Variants in DHX38 observed in about 807,000 individuals in gnomAD.
DHX38 encodes the protein pre-mRNA-splicing factor ATP-dependent RNA helicase PRP16.
A neutral mutation model predicts 153.1 loss-of-function variants in DHX38; 100 were observed. The ratio of observed to expected loss-of-function variants is 0.65; its 90% CI spans 0.56 to 0.77. The LOEUF is 0.77. DHX38 is among the 30% of genes least tolerant of loss of function. DHX38 has a pLI of 0.00. For missense variants in DHX38, 1,440 were observed against 1,654.0 expected (o/e 0.87, Z 2.24); for synonymous variants, 650 against 631.7 (o/e 1.03, Z -0.43).
chr16:72,112,016 G>A lies in DHX38; in HGVS notation c.3600-397G>A, dbSNP rs74027820. 700 of 217,460 alleles carry A rather than the reference G, an allele frequency of 3.2e-3. 8 individuals carry two copies. Among genetic ancestry groups the A allele is most frequent in the African/African-American group, 0.01 (458 of 45,090 alleles). The allele number at this position is 217,460 out of a possible 1,614,324, so 13.5% of individuals were successfully genotyped here. On this transcript the variant is annotated intron_variant, in intron 26 of 26. Coordinates refer to ENST00000268482, the MANE Select transcript of DHX38 (RefSeq NM_014003.4). Reference sequence around the variant, plus strand: ...TAGCATAATCTCTCAAACGAGGGCTGAGGGGCCCCCATGAATAGCAGACAC... The same window carrying A: ...TAGCATAATCTCTCAAACGAGGGCTAAGGGGCCCCCATGAATAGCAGACAC...
In DHX38 at chr16:72,108,243, G is replaced by A; in HGVS notation, c.2981G>A (p.Ser994Asn). 1 of 1,614,124 alleles carries A rather than the reference G, an allele frequency of 6.2e-7. No individual in the cohort carries two copies. Among genetic ancestry groups the A allele is most frequent in the Admixed American group, 1.7e-5 (1 of 60,028 alleles). ...CCTTCCTAGGGTCGAGAGGAGGAGAGTGATCAAATCCGGGAGAAGTTCGCT... is the reference window on the plus strand; with the variant it reads ...CCTTCCTAGGGTCGAGAGGAGGAGAATGATCAAATCCGGGAGAAGTTCGCT... ...FYRPKGREEE[S>N]DQIREKFAVP... The change falls in exon 22 of 27, where the codon AGT (serine) becomes AAT (asparagine). Residue 994 changes from serine to asparagine, a missense_variant. Around this residue, in one of 6 missense-constraint regions of DHX38, gnomAD observed 543 missense variants for 717.9 expected, o/e 0.76. Transcript: ENST00000268482.
chr16:72,103,645 A>G lies in DHX38; in HGVS notation c.1681A>G (p.Lys561Glu). ...VIVVGETGSG[K>E]TTQLTQYLHE... ...CGTGGTTGGGGAGACGGGGAGTGGT[A>G]AGACCACTCAGCTGACGCAGTACCT... Residue 561 changes from lysine to glutamate, a missense_variant, in exon 13 of 27, where the codon AAG becomes GAG. By Grantham distance (56) the Lys-to-Glu change is moderately conservative. This residue lies in a region of DHX38 where 241 missense variants were observed against 229.5 expected (regional missense o/e 1.05). Transcript: ENST00000268482. 1 of 1,613,456 alleles carries G rather than the reference A, an allele frequency of 6.2e-7. No homozygotes were observed. Among genetic ancestry groups the G allele is most frequent in the Non-Finnish European group, 8.5e-7 (1 of 1,179,408 alleles).
At chr16:72,103,889 G>C in intron 13 of DHX38, 57 bp from the exon 14 acceptor site, 1 of 1,606,100 alleles carries the variant, frequency 6.2e-7, no homozygotes, top group South Asian at 1.1e-5. Context: ...CCCAGTACGG[G>C]GTGTGCTGGT....
At position 72,107,589 on chromosome 16, in the gene DHX38, C is replaced by T. The variant is rs376265558; in HGVS notation, c.2809+41C>T. Reference sequence around the variant, plus strand: ...GAGCCTCATGGGTGCTGGCGCTTGACTTCCTTCTTTCCTCTACTGTCCCGT... The same window carrying T: ...GAGCCTCATGGGTGCTGGCGCTTGATTTCCTTCTTTCCTCTACTGTCCCGT... On this transcript the variant is annotated intron_variant, in intron 20 of 26. Transcript: ENST00000268482. The surrounding 1 kb of genome is among the most constrained non-coding windows in gnomAD (Gnocchi z 5.3). 2 of 1,608,144 alleles carry T rather than the reference C, an allele frequency of 1.2e-6. No individual in the cohort carries two copies. The highest frequency in any genetic ancestry group is 1.7e-5 in the Admixed American group (1 of 59,866).
At chr16:72,103,003 G>T in intron 11 of DHX38, 71 bp from the exon 12 acceptor site, 1 of 1,581,066 alleles carries the variant, frequency 6.3e-7, no homozygotes, top group Admixed American at 1.7e-5. Flanking sequence ...GTAGGAAGGA[G>T]GGCAGCAACC....
chr16:72,102,706 C>T (rs1334234022), intron 11 of DHX38, among the ~76,000 whole-genome samples: 2 of 152,200 alleles, frequency 1.3e-5, no homozygotes, highest in South Asian at 2.1e-4. Context: ...GCCCTTTAGA[C>T]GTTGTGCTGA....
At position 72,107,318 on chromosome 16, in the gene DHX38, G is replaced by A; in HGVS notation, c.2601-22G>A. The A allele has an allele frequency of 6.3e-7, 1 of 1,594,502 alleles. No homozygotes were observed. Among genetic ancestry groups the A allele is most frequent in the Non-Finnish European group, 8.5e-7 (1 of 1,174,860 alleles). Reference sequence around the variant, plus strand: ...CTGTGGGGTTTCCTTGTGGTGAGAAGATGGGGTCTTCTCCCCGGCAGGCTC... The same window carrying A: ...CTGTGGGGTTTCCTTGTGGTGAGAAAATGGGGTCTTCTCCCCGGCAGGCTC... On this transcript the variant is annotated intron_variant, in intron 19 of 26. Transcript: ENST00000268482. The surrounding 1 kb of genome is among the most constrained non-coding windows in gnomAD (Gnocchi z 5.3).
Position 72,104,726 on chromosome 16 carries a change from GAGA to G in DHX38, c.2151+104_2151+106del. 4 of 1,545,584 alleles carry G rather than the reference GAGA, an allele frequency of 2.6e-6. No homozygotes were observed. Among genetic ancestry groups the G allele is most frequent in the South Asian group, 1.2e-5 (1 of 84,492 alleles). ...GGAGGGTGGGTAGGGGACTGGGTTGGAGAAGATTTCCTGGGGACCATGGGGCAA... is the reference window on the plus strand; with the variant it reads ...GGAGGGTGGGTAGGGGACTGGGTTGGAGATTTCCTGGGGACCATGGGGCAA... On this transcript the variant is annotated intron_variant, in intron 15 of 26. Transcript: ENST00000268482. This position sits in a 1 kb window ranked among gnomAD's most constrained non-coding sequence, Gnocchi z 4.5.
intron 11 of DHX38, among the ~76,000 whole-genome samples, chr16:72,101,943 C>T (rs188221841): frequency 6.6e-6 from 1 of 152,338 alleles, no homozygotes; most frequent in African/African-American, 2.4e-5. Context: ...CACATCAGAG[C>T]CACTCTGCTG....
chr16:72,105,172 G>A, intron 16 of DHX38, 35 bp downstream of exon 16: 1 of 1,613,854 alleles, frequency 6.2e-7, no homozygotes, highest in Admixed American at 1.7e-5. Context: ...ATGAGCGGGT[G>A]TGTCTTGCAT....
At position 72,108,518 on chromosome 16, in the gene DHX38, C is replaced by T. The variant is rs749072478; in HGVS notation, c.3166C>T (p.Arg1056Trp). 1 of 1,614,160 alleles carries T rather than the reference C, an allele frequency of 6.2e-7. No individual in the cohort carries two copies. The highest frequency in any genetic ancestry group is 8.5e-7 in the Non-Finnish European group (1 of 1,180,024). The stretch of plus-strand genomic sequence containing the variant: ...ACTCAAGGACATCATGGTGCAGCAG[C>T]GGATGAGCCTGGCCTCGTGTGGCAC... ...AQLKDIMVQQ[R>W]MSLASCGTDW... The change falls in exon 23 of 27, where the codon CGG becomes TGG. Residue 1056 changes from arginine (R) to tryptophan (W), a missense_variant. Transcript: ENST00000268482.
intron 18 of DHX38, 82 bp from the exon 19 acceptor site, chr16:72,105,923 A>G: frequency 7.5e-7 from 1 of 1,329,240 alleles, no homozygotes; most frequent in Non-Finnish European, 1.1e-6. Flanking sequence ...ATGTGTAGCA[A>G]CCAGGGCTTG....
chr16:72,109,749 A>C (rs1353050143), intron 25 of DHX38: 3 of 352,432 alleles, frequency 8.5e-6, no homozygotes, highest in East Asian at 6.5e-5. Flanking sequence ...ATATTCATGA[A>C]AGTGGGAAAA....
In DHX38 at chr16:72,106,116, A is replaced by C. The variant is rs1240049010; in HGVS notation, c.2599A>C (p.Arg867=). 2.5e-6 allele frequency: 4 copies of C among 1,614,012 alleles called. No individual in the cohort carries two copies. The highest frequency in any genetic ancestry group is 3.4e-6 in the Non-Finnish European group (4 of 1,179,968). The change falls in exon 19 of 27, where the codon AGG becomes CGG. Residue 867 remains arginine, a splice_region_variant and synonymous_variant. Coordinates refer to ENST00000268482, the MANE Select transcript of DHX38 (RefSeq NM_014003.4). Reference sequence around the variant, plus strand: ...CAGGACGGGCCCAGGTCAGTGTTTCAGGTAGGAGCCCTGTGCTAGCCTGCT... The same window carrying C: ...CAGGACGGGCCCAGGTCAGTGTTTCCGGTAGGAGCCCTGTGCTAGCCTGCT... The part of the protein sequence containing the change: ...AGRTGPGQCF[R]LYTQSAYKNE...
rs2144156580 is a variant in DHX38, at chr16:72,104,185, A to G, written c.2010+54A>G. On this transcript the variant is annotated intron_variant, in intron 14 of 26. Transcript: ENST00000268482. This position sits in a 1 kb window ranked among gnomAD's most constrained non-coding sequence, Gnocchi z 4.5. ...CGCATGGGGTGTTGACCAGTGCACCACCAGTAGCTAGTGGGTTGCTCCAGG... is the reference window on the plus strand; with the variant it reads ...CGCATGGGGTGTTGACCAGTGCACCGCCAGTAGCTAGTGGGTTGCTCCAGG... 3 of 1,584,698 alleles carry G rather than the reference A, an allele frequency of 1.9e-6. No homozygotes were observed. Among genetic ancestry groups the G allele is most frequent in the Admixed American group, 3.4e-5 (2 of 58,926 alleles).
intron 4 of DHX38, among the ~76,000 whole-genome samples, chr16:72,098,260 C>T (rs1567603793): frequency 6.6e-6 from 1 of 151,908 alleles, no homozygotes; most frequent in East Asian, 1.9e-4. Context: ...TGGTGAAACC[C>T]CATCCCTACT....
chr16:72,108,972 C>T (rs894474517), intron 24 of DHX38, 47 bp downstream of exon 24: 7 of 1,544,256 alleles, frequency 4.5e-6, no homozygotes, highest in Non-Finnish European at 6.1e-6. Flanking sequence ...CCCTGTCTGG[C>T]CAGGCTTTGA....
intron 7 of DHX38, 37 bp downstream of exon 7, chr16:72,099,317 G>C: frequency 6.5e-7 from 1 of 1,543,592 alleles, no homozygotes; most frequent in Non-Finnish European, 8.8e-7. Flanking sequence ...GATCGGGGCT[G>C]GTGGCCGTCT....
chr16:72,111,673 C>T (rs185360435), intron 26 of DHX38, among the ~76,000 whole-genome samples: 45 of 152,312 alleles, frequency 3.0e-4, no homozygotes, highest in East Asian at 2.9e-3. Flanking sequence ...GTCTCAAATG[C>T]GAAGCCTCGT....
Sources: allele counts gnomAD v4.1 joint callset (sites outside exome capture counted in the v4.1 genomes callset), GRCh38; gene constraint gnomAD v4.1.1; regional missense constraint gnomAD v4.1.1; non-coding constraint Gnocchi (gnomAD v3.1); transcripts MANE v1.5; gene names NCBI Gene and HGNC (gene_info 2026-07-23, HGNC 2026-07-21).